Variants in PLIN2 observed in about 807,000 individuals in gnomAD.
The protein encoded by PLIN2 is perilipin 2.
In PLIN2, 33 loss-of-function variants were observed where a neutral mutation model predicts 30.6. The ratio of observed to expected loss-of-function variants is 1.08; its 90% CI spans 0.82 to 1.44. The LOEUF is 1.44. Among genes scored for constraint, PLIN2 ranks in the 40% most tolerant of loss-of-function variants. The pLI, the probability that PLIN2 is intolerant of heterozygous loss-of-function variation, is 0.00. For synonymous variants in PLIN2, 205 were observed against 201.1 expected (o/e 1.02, Z -0.16); for missense variants, 610 against 531.8 (o/e 1.15, Z -1.45).
chr9:19,116,619 G>C lies in PLIN2; in HGVS notation c.943C>G (p.Arg315Gly), dbSNP rs183420763. Residue 315 changes from arginine (R) to glycine (G), a missense_variant, in exon 8 of 8, where the codon CGC (arginine) becomes GGC (glycine). By Grantham distance (125) the Arg-to-Gly change is moderately radical. Transcript: ENST00000276914. ...GTCTGGAGCTGCTGAGTCAGGTTGC[G>C]GGCAATTGCAAGAGTACGTGACTCA... ...HIESRTLAIA[R>G]NLTQQLQTTC... The C allele has an allele frequency of 4.3e-5, 70 of 1,613,376 alleles. No homozygotes were observed. The East Asian group carries it at 1.5e-3, about 34-fold the overall frequency.
chr9:19,123,153 C>G (rs1818345173), intron 4 of PLIN2: 1 of 566,142 alleles, frequency 1.8e-6, no homozygotes, highest in Admixed American at 3.1e-5. Context: ...ACAGACAAGC[C>G]TATCATTTTT....
At chr9:19,109,592 T>C (rs1198675789) in intron 2 of PLIN2, among the ~76,000 whole-genome samples, 1 of 146,030 alleles carries the variant, frequency 6.8e-6, no homozygotes, top group African/African-American at 2.4e-5. Context: ...TAAAACGTAT[T>C]ACCAAAGGCT....
intron 2 of PLIN2, among the ~76,000 whole-genome samples, chr9:19,110,448 G>A (rs553232289): frequency 6.6e-6 from 1 of 152,122 alleles, no homozygotes; most frequent in Non-Finnish European, 1.5e-5. Context: ...TGAAAAAATG[G>A]AAATTTTGAC....
intron 2 of PLIN2, among the ~76,000 whole-genome samples, chr9:19,110,169 G>A (rs1240659731): frequency 2.0e-5 from 3 of 151,882 alleles, no homozygotes; most frequent in African/African-American, 4.8e-5. Flanking sequence ...GATTACAGGC[G>A]TGCGCTGCAA....
At chr9:19,126,607 C>G (rs556844782) in intron 1 of PLIN2, among the ~76,000 whole-genome samples, 159 bp from the exon 2 acceptor site, 3 of 152,288 alleles carry the variant, frequency 2.0e-5, no homozygotes, top group African/African-American at 7.2e-5. Context: ...AGGTCCCCCT[C>G]CTGAAAGACC....
In PLIN2 at chr9:19,116,226, T is replaced by G; in HGVS notation, c.*22A>C. The G allele has an allele frequency of 6.5e-7, 1 of 1,543,194 alleles. No homozygotes were observed. Among genetic ancestry groups the G allele is most frequent in the South Asian group, 1.3e-5 (1 of 79,500 alleles). Reference sequence around the variant, plus strand: ...AGGTGTCATCTGTCTGGCCACAGCATGCACTAGTGATAGGGGCAGGTTTAA... The same window carrying G: ...AGGTGTCATCTGTCTGGCCACAGCAGGCACTAGTGATAGGGGCAGGTTTAA... On this transcript the variant is annotated 3_prime_UTR_variant, in exon 8 of 8. Coordinates refer to ENST00000276914, the MANE Select transcript of PLIN2 (RefSeq NM_001122.4).
At chr9:19,113,974 A>G (rs1818189257), downstream of PLIN2, among the ~76,000 whole-genome samples, 1 of 151,976 alleles carries the variant, frequency 6.6e-6, no homozygotes, top group Admixed American at 6.6e-5. Context: ...AAGGTTTACC[A>G]TGTTGGCCAG....
chr9:19,118,320 C>A lies in PLIN2; in HGVS notation c.912+1G>T. 6.2e-7 allele frequency: 1 copy of A among 1,603,954 alleles called. No homozygotes were observed. The highest frequency in any genetic ancestry group is 8.5e-7 in the Non-Finnish European group (1 of 1,176,728). ...ACAAATGACCGTCCCAGTCATCTTA[C>A]CTCAGCACAGTGGGACTCATCAGTA... On this transcript the variant is annotated splice_donor_variant, in intron 7 of 7. Transcript: ENST00000276914. LOFTEE classifies it high-confidence loss of function.
In PLIN2 at chr9:19,126,431, C is replaced by A. The variant is rs777491145; in HGVS notation, c.-5G>T. On this transcript the variant is annotated 5_prime_UTR_variant, in exon 2 of 8. Coordinates refer to ENST00000276914, the MANE Select transcript of PLIN2 (RefSeq NM_001122.4). ...ATCAACTGCAACGGATGCCATTTTT[C>A]TTCCTGGAGAAAGAAATCTGCAGAA... 5 of 1,611,046 alleles carry A rather than the reference C, an allele frequency of 3.1e-6. No homozygotes were observed. The highest frequency in any genetic ancestry group is 1.7e-5 in the Admixed American group (1 of 59,964).
Position 19,116,085 on chromosome 9 carries a change from G to C in PLIN2, c.*163C>G. 1.7e-6 allele frequency: 1 copy of C among 578,158 alleles called. No individual in the cohort carries two copies. Among genetic ancestry groups the C allele is most frequent in the East Asian group, 2.9e-5 (1 of 34,344 alleles). The allele number at this position is 578,158 out of a possible 1,614,324, so 35.8% of individuals were successfully genotyped here. ...AGGTGAACAGAAATCATCTGCTAAT[G>C]CCAGAAACTTTAAAGCTCTTAATTC... On this transcript the variant is annotated 3_prime_UTR_variant, in exon 8 of 8. Transcript: ENST00000276914.
intron 5 of PLIN2, among the ~76,000 whole-genome samples, 193 bp downstream of exon 5, chr9:19,120,682 AAAATT>A (rs1306836465): frequency 2.0e-5 from 3 of 152,140 alleles, no homozygotes; most frequent in East Asian, 1.9e-4. Context: ...CCATCTCTAT[AAAATT>A]AAATTAAATT....
intron 7 of PLIN2, among the ~76,000 whole-genome samples, chr9:19,117,153 T>C (rs758195304): frequency 7.2e-5 from 11 of 151,982 alleles, no homozygotes; most frequent in Non-Finnish European, 1.3e-4. Context: ...TCTTCTTTCT[T>C]TCTTTTCTTT....
At chr9:19,113,146 C>T (rs1172968233), downstream of PLIN2, among the ~76,000 whole-genome samples, 1 of 152,004 alleles carries the variant, frequency 6.6e-6, no homozygotes, top group Admixed American at 6.6e-5. Flanking sequence ...AGTTCGAGAC[C>T]AGCCTGGCCA....
At position 19,120,949 on chromosome 9, in the gene PLIN2, C is replaced by A; in HGVS notation, c.526G>T (p.Val176Leu). The A allele has an allele frequency of 1.2e-6, 2 of 1,614,092 alleles. No individual in the cohort carries two copies. The highest frequency in any genetic ancestry group is 2.2e-5 in the East Asian group (1 of 44,892). The change falls in exon 5 of 8, where the codon GTA becomes TTA. Residue 176 changes from valine (V) to leucine (L), a missense_variant. Coordinates refer to ENST00000276914, the MANE Select transcript of PLIN2 (RefSeq NM_001122.4). ...SRMMQLVSSG[V>L]ENALTKSELL... ...TCTGATTTGGTGAGTGCATTTTCTA[C>A]GCCACTGCTCACGAGCTGCATCATC...
chr9:19,113,979 G>A (rs1438436041), downstream of PLIN2, among the ~76,000 whole-genome samples: 1 of 151,982 alleles, frequency 6.6e-6, no homozygotes, highest in African/African-American at 2.4e-5. Flanking sequence ...TTACCATGTT[G>A]GCCAGGCTGG....
chr9:19,116,714 A>G, intron 7 of PLIN2, 65 bp from the exon 8 acceptor site: 1 of 1,402,544 alleles, frequency 7.1e-7, no homozygotes, highest in Non-Finnish European at 9.9e-7. Flanking sequence ...GTTCGATGAC[A>G]GTAGGCTGGT....
Position 19,116,323 on chromosome 9 carries a change from C to A in PLIN2, c.1239G>T (p.Gln413His), listed in dbSNP as rs749167162. The change falls in exon 8 of 8, where the codon CAG becomes CAT. Residue 413 changes from glutamine to histidine, a missense_variant. Transcript: ENST00000276914. ...GPFYPQLTESQNAQDQGAEMD... is the reference protein window; with the variant it reads ...GPFYPQLTESHNAQDQGAEMD... The stretch of plus-strand genomic sequence containing the variant: ...TCTCTGCACCTTGGTCCTGAGCATT[C>A]TGAGACTCAGTCAGCTGAGGATAAA... The A allele has an allele frequency of 6.2e-7, 1 of 1,614,040 alleles. No individual in the cohort carries two copies. The highest frequency in any genetic ancestry group is 8.5e-7 in the Non-Finnish European group (1 of 1,180,020).
intron 7 of PLIN2, 39 bp from the exon 8 acceptor site, chr9:19,116,688 T>C (rs778343182): frequency 7.6e-6 from 12 of 1,572,270 alleles, no homozygotes; most frequent in Non-Finnish European, 8.7e-6. Context: ...GATCCAACAG[T>C]GCTATGTATA....
chr9:19,125,885 T>C, intron 3 of PLIN2: 1 of 411,284 alleles, frequency 2.4e-6, no homozygotes, highest in South Asian at 3.8e-5. Context: ...ACTGCGCCAC[T>C]GAACTCCAGC....
Sources: allele counts gnomAD v4.1 joint callset (sites outside exome capture counted in the v4.1 genomes callset), GRCh38; gene constraint gnomAD v4.1.1; transcripts MANE v1.5; gene names NCBI Gene and HGNC (gene_info 2026-07-23, HGNC 2026-07-21).